The following IPCEF1 variants were observed in gnomAD, a reference collection of about 807,000 sequenced individuals.
IPCEF1 encodes the protein interactor protein for cytohesin exchange factors 1.
IPCEF1 carries 31 observed loss-of-function variants against 50.9 expected under a neutral mutation model. The observed-to-expected ratio is 0.61, with a 90% CI of 0.46 to 0.82. IPCEF1 has a LOEUF of 0.82. Among genes scored for constraint, IPCEF1 ranks in the 40% least tolerant of loss-of-function variants. The pLI is 0.00. For missense variants in IPCEF1, 458 were observed against 514.0 expected, an observed-to-expected ratio of 0.89 and a Z score of 1.05; for synonymous variants, 181 against 192.0, an observed-to-expected ratio of 0.94 and a Z score of 0.47.
Position 154,255,944 on chromosome 6 carries a change from C to A in IPCEF1, c.37-8456G>T, listed in dbSNP as rs557015077. Among the ~76,000 whole-genome samples, 50 of 152,258 alleles carry A rather than the reference C, an allele frequency of 3.3e-4. No individual in the cohort carries two copies. In the East Asian group the frequency reaches 5.6e-3, roughly 17 times the overall value. On this transcript the variant is annotated intron_variant, in intron 3 of 11. Transcript: ENST00000367220. ...AGTTTCTTTGAACCTCGTACTTAAA[C>A]ATTTTGTCGAGCTTTTAACTTTTTA... is the stretch of plus-strand genomic sequence containing the variant.
intron 1 of IPCEF1, among the ~76,000 whole-genome samples, chr6:154,293,185 A>C (rs1782556056): frequency 6.6e-6 from 1 of 152,238 alleles, no homozygotes; most frequent in South Asian, 2.1e-4. Context: ...TAGACATTCC[A>C]GCCAGAAAGA....
chr6:154,243,307 G>A (rs183798745), intron 5 of IPCEF1, among the ~76,000 whole-genome samples: 7 of 152,302 alleles, frequency 4.6e-5, no homozygotes, highest in Admixed American at 2.0e-4. Context: ...GGATTTCTAC[G>A]GCTGTTAAAC....
chr6:154,292,153 A>G (rs926488691), intron 1 of IPCEF1, among the ~76,000 whole-genome samples: 1 of 152,200 alleles, frequency 6.6e-6, no homozygotes, highest in Admixed American at 6.5e-5. Context: ...ACCTTTCAGG[A>G]CATGTTTTTG....
intron 1 of IPCEF1, among the ~76,000 whole-genome samples, chr6:154,324,690 C>A (rs560087706): frequency 9.2e-5 from 14 of 152,202 alleles, no homozygotes; most frequent in Admixed American, 3.9e-4. Flanking sequence ...TGCCTGTAAT[C>A]CCAACTACTT....
Position 154,340,944 on chromosome 6 carries a change from C to T in IPCEF1, c.-62+15728G>A, listed in dbSNP as rs115439015. On this transcript the variant is annotated intron_variant, in intron 1 of 11. Coordinates refer to ENST00000367220, the MANE Select transcript of IPCEF1 (RefSeq NM_001130700.2). ...ATATATGTGTGTGTGTGTGTATGTA[C>T]ACATATTATATTTATATATCATATA... Among the ~76,000 whole-genome samples, 836 of 149,860 alleles carry T rather than the reference C, an allele frequency of 5.6e-3. 5 individuals carry two copies. Among genetic ancestry groups the T allele is most frequent in the African/African-American group, 0.02 (799 of 40,736 alleles).
At chr6:154,170,829 T>C (rs762498511) in intron 10 of IPCEF1, among the ~76,000 whole-genome samples, 2 of 152,216 alleles carry the variant, frequency 1.3e-5, no homozygotes, top group African/African-American at 2.4e-5. Flanking sequence ...GGAACCCTCA[T>C]ACATTGTTAG....
At chr6:154,188,501 C>A (rs1423355132) in intron 10 of IPCEF1, among the ~76,000 whole-genome samples, 1 of 152,172 alleles carries the variant, frequency 6.6e-6, no homozygotes, top group Non-Finnish European at 1.5e-5. Flanking sequence ...CACGCATGTG[C>A]ATGTGTGTGT....
At chr6:154,332,641 C>T (rs1351105207) in intron 1 of IPCEF1, among the ~76,000 whole-genome samples, 1 of 152,166 alleles carries the variant, frequency 6.6e-6, no homozygotes, top group African/African-American at 2.4e-5. Context: ...CCTACATCTC[C>T]TATGCTAATT....
chr6:154,337,253 G>C (rs927367756), intron 1 of IPCEF1, among the ~76,000 whole-genome samples: 1 of 152,104 alleles, frequency 6.6e-6, no homozygotes, highest in African/African-American at 2.4e-5. Context: ...TCTCAAAATA[G>C]AGCAAAAGCG....
chr6:154,224,003 T>C (rs1444836314), intron 5 of IPCEF1, among the ~76,000 whole-genome samples: 1 of 152,250 alleles, frequency 6.6e-6, no homozygotes, highest in African/African-American at 2.4e-5. Flanking sequence ...TCTAAGAATT[T>C]GTTAATCTGT....
At chr6:154,222,896 G>A (rs1461637269) in intron 6 of IPCEF1, 2 of 451,946 alleles carry the variant, frequency 4.4e-6, no homozygotes, top group Admixed American at 3.4e-5. Flanking sequence ...AGTCCTGGAG[G>A]GGGTTTATTC....
chr6:154,306,079 T>C (rs1782924544), intron 1 of IPCEF1, among the ~76,000 whole-genome samples: 1 of 152,218 alleles, frequency 6.6e-6, no homozygotes, highest in Non-Finnish European at 1.5e-5. Flanking sequence ...ATATATCTTA[T>C]TAGCTCTTTC....
At position 154,156,651 on chromosome 6, in the gene IPCEF1, T is replaced by C. The variant is rs1798728160; in HGVS notation, c.*3177A>G. On this transcript the variant is annotated 3_prime_UTR_variant, in exon 12 of 12. Coordinates refer to ENST00000367220, the MANE Select transcript of IPCEF1 (RefSeq NM_001130700.2). ...TCCAAACACAATCTCTTTCTTACGC[T>C]TCCTGGAGTCTTTGTAATCCTATAC... 6.6e-6 allele frequency: 1 copy of C among 152,246 alleles called. No homozygotes were observed. Among genetic ancestry groups the C allele is most frequent in the African/African-American group, 2.4e-5 (1 of 41,460 alleles). 9.4% of individuals were successfully genotyped at this position (152,246 alleles called of 1,614,324 possible). A position where few individuals can be genotyped will look rare whatever the true frequency, so the allele number is the denominator to read the frequency against.
chr6:154,305,810 A>G (rs1004030358), intron 1 of IPCEF1, among the ~76,000 whole-genome samples: 2 of 152,204 alleles, frequency 1.3e-5, no homozygotes, highest in African/African-American at 4.8e-5. Context: ...TCTTTCTCCC[A>G]TGCTGGATGC....
intron 5 of IPCEF1, among the ~76,000 whole-genome samples, chr6:154,230,297 G>A (rs1779619573): frequency 1.3e-5 from 2 of 152,152 alleles, no homozygotes; most frequent in South Asian, 4.1e-4. Flanking sequence ...TATTGATAAT[G>A]GGGAGGTTGT....
intron 2 of IPCEF1, among the ~76,000 whole-genome samples, chr6:154,282,264 G>C (rs1264638232): frequency 1.3e-5 from 2 of 152,214 alleles, no homozygotes; most frequent in Non-Finnish European, 2.9e-5. Context: ...ACTGACAACA[G>C]ACTGAAACAG....
chr6:154,164,434 C>G (rs1292566337), intron 11 of IPCEF1, among the ~76,000 whole-genome samples: 2 of 152,156 alleles, frequency 1.3e-5, no homozygotes, highest in African/African-American at 2.4e-5. Context: ...AACAACAGAA[C>G]CTTCCAAGCT....
chr6:154,271,009 CTTCT>C (rs1781889339), intron 2 of IPCEF1, among the ~76,000 whole-genome samples: 1 of 151,788 alleles, frequency 6.6e-6, no homozygotes, highest in African/African-American at 2.4e-5. Flanking sequence ...CAAAAAAACT[CTTCT>C]TTTAGCTTAA....
intron 10 of IPCEF1, among the ~76,000 whole-genome samples, chr6:154,197,596 A>G (rs923696147): frequency 6.6e-6 from 1 of 152,228 alleles, no homozygotes; most frequent in Non-Finnish European, 1.5e-5. Flanking sequence ...ACTAAATAAT[A>G]CCAGGTTGCT....
Sources: allele counts gnomAD v4.1 joint callset (sites outside exome capture counted in the v4.1 genomes callset), GRCh38; gene constraint gnomAD v4.1.1; transcripts MANE v1.5; gene names NCBI Gene and HGNC (gene_info 2026-07-23, HGNC 2026-07-21).